MIB1: variants seen among roughly 807,000 people sequenced by gnomAD.
MIB1 encodes MIB E3 ubiquitin protein ligase 1.
A neutral mutation model predicts 124.5 loss-of-function variants in MIB1; 278 were observed. The ratio of observed to expected loss-of-function variants is 2.23; its 90% CI spans 2.02 to 2.47. MIB1 has a LOEUF of 2.47. MIB1 is among the 30% of genes most tolerant of loss of function. The pLI, the probability that MIB1 is intolerant of heterozygous loss-of-function variation, is 0.00. For synonymous variants in MIB1, 446 were observed against 429.4 expected, an observed-to-expected ratio of 1.04 and a Z score of -0.48; for missense variants, 957 against 1,254.4, an observed-to-expected ratio of 0.76 and a Z score of 3.58.
At chr18:21,762,195 T>C (rs1395318410) in intron 1 of MIB1, among the ~76,000 whole-genome samples, 2 of 152,206 alleles carry the variant, frequency 1.3e-5, no homozygotes, top group African/African-American at 4.8e-5. Flanking sequence ...TATAAATGGA[T>C]ACAATCTCTA....
intron 5 of MIB1, among the ~76,000 whole-genome samples, chr18:21,779,115 A>G (rs188593784): frequency 6.6e-6 from 1 of 152,248 alleles, no homozygotes; most frequent in East Asian, 1.9e-4. Context: ...TTTCATTCAT[A>G]TTCTCTAGTT....
chr18:21,788,452 C>T (rs995649267), intron 6 of MIB1, among the ~76,000 whole-genome samples: 1 of 152,102 alleles, frequency 6.6e-6, no homozygotes, highest in Non-Finnish European at 1.5e-5. Context: ...CAAACTGGGA[C>T]CAGAAGGGAA....
intron 4 of MIB1, among the ~76,000 whole-genome samples, chr18:21,777,651 T>A (rs1224333279): frequency 6.6e-6 from 1 of 151,542 alleles, no homozygotes; most frequent in Non-Finnish European, 1.5e-5. Flanking sequence ...GCCTCCCGGG[T>A]TCAAGCGATT....
chr18:21,815,757 G>A lies in MIB1; in HGVS notation c.1621G>A (p.Gly541Ser). 6.2e-7 allele frequency: 1 copy of A among 1,614,082 alleles called. No homozygotes were observed. Among genetic ancestry groups the A allele is most frequent in the Non-Finnish European group, 8.5e-7 (1 of 1,179,986 alleles). ...QTPLHIAVNKGHLQVVKTLLD... is the reference protein window; with the variant it reads ...QTPLHIAVNKSHLQVVKTLLD... ...ACCACTTCATATTGCTGTCAATAAA[G>A]GTCATCTTCAAGTTGTGAAGACTTT... The change falls in exon 11 of 21, where the codon GGT (glycine) becomes AGT (serine). Residue 541 changes from glycine to serine, a missense_variant. By Grantham distance (56) the Gly-to-Ser change is moderately conservative. Coordinates refer to ENST00000261537, the MANE Select transcript of MIB1 (RefSeq NM_020774.4).
intron 12 of MIB1, 106 bp downstream of exon 12, chr18:21,819,752 T>G: frequency 1.4e-6 from 1 of 732,724 alleles, no homozygotes; most frequent in Non-Finnish European, 2.0e-6. Context: ...TTTTAGTATT[T>G]TAAATCATTT....
At chr18:21,772,644 G>T (rs183705865) in intron 3 of MIB1, among the ~76,000 whole-genome samples, 200 of 152,236 alleles carry the variant, frequency 1.3e-3, no homozygotes, top group African/African-American at 4.7e-3. Context: ...ACCTGTATGT[G>T]ATTCTAGGCC....
At chr18:21,834,053 C>T (rs996848459) in intron 12 of MIB1, among the ~76,000 whole-genome samples, 3 of 152,152 alleles carry the variant, frequency 2.0e-5, no homozygotes, top group African/African-American at 7.2e-5. Context: ...CTACGGACCT[C>T]AGTGCTTGCA....
Position 21,799,912 on chromosome 18 carries a change from A to T in MIB1, c.1309A>T (p.Lys437Ter). 1 of 1,612,434 alleles carries T rather than the reference A, an allele frequency of 6.2e-7. No individual in the cohort carries two copies. The highest frequency in any genetic ancestry group is 8.5e-7 in the Non-Finnish European group (1 of 1,178,860). Reference protein sequence around the residue: ...ESGDLNEELVKAAANGDVAKV... With the variant: ...ESGDLNEELV ...TGGTGACCTCAATGAAGAATTAGTT[A>T]AGGCTGCTGCCAATGGAGATGTTGC... The change falls in exon 9 of 21, where the codon AAG becomes TAG. Residue 437 changes from lysine (K) to a stop codon, truncating the protein, a stop_gained. Coordinates refer to ENST00000261537, the MANE Select transcript of MIB1 (RefSeq NM_020774.4). LOFTEE classifies it high-confidence loss of function.
chr18:21,758,356 C>G (rs1271807752), intron 1 of MIB1, among the ~76,000 whole-genome samples: 2 of 152,106 alleles, frequency 1.3e-5, no homozygotes, highest in African/African-American at 2.4e-5. Flanking sequence ...TTTGATGGTT[C>G]AGGGAAAATA....
intron 20 of MIB1, among the ~76,000 whole-genome samples, chr18:21,862,250 CTT>C (rs1305484610): frequency 6.6e-6 from 1 of 152,122 alleles, no homozygotes; most frequent in South Asian, 2.1e-4. Flanking sequence ...CTTCTCAAAA[CTT>C]TAAGACAAAA....
chr18:21,813,396 T>C (rs1325051581), intron 10 of MIB1, among the ~76,000 whole-genome samples: 1 of 152,172 alleles, frequency 6.6e-6, no homozygotes, highest in Non-Finnish European at 1.5e-5. Flanking sequence ...TTGAATATAA[T>C]GCTACTCAGA....
At chr18:21,725,297 G>A (rs1002105110) in intron 1 of MIB1, among the ~76,000 whole-genome samples, 7 of 152,086 alleles carry the variant, frequency 4.6e-5, no homozygotes, top group Admixed American at 3.9e-4. Flanking sequence ...ATGAAAAAAT[G>A]TAAAATGTGG....
chr18:21,752,227 G>A (rs569526352), intron 1 of MIB1, among the ~76,000 whole-genome samples: 2 of 151,940 alleles, frequency 1.3e-5, no homozygotes, highest in South Asian at 4.2e-4. Flanking sequence ...CTCTGCTCTT[G>A]AGGACAAGCT....
intron 1 of MIB1, among the ~76,000 whole-genome samples, chr18:21,723,079 T>A (rs1266517671): frequency 2.6e-5 from 4 of 152,226 alleles, no homozygotes. Flanking sequence ...CCCATTTATT[T>A]ATCTATCCAA....
intron 4 of MIB1, among the ~76,000 whole-genome samples, chr18:21,774,614 T>C (rs2041259551): frequency 6.6e-6 from 1 of 152,178 alleles, no homozygotes; most frequent in South Asian, 2.1e-4. Flanking sequence ...TTGATCTTGC[T>C]ATTTAATGTA....
chr18:21,714,111 C>T (rs1238198047), intron 1 of MIB1, among the ~76,000 whole-genome samples: 1 of 126,574 alleles, frequency 7.9e-6, no homozygotes, highest in Non-Finnish European at 1.7e-5. Flanking sequence ...ACAGAGGAGT[C>T]AAGTACCAAA....
chr18:21,748,420 T>TC (rs1238212543), intron 1 of MIB1, among the ~76,000 whole-genome samples: 1 of 113,534 alleles, frequency 8.8e-6, no homozygotes, highest in Non-Finnish European at 1.7e-5. Flanking sequence ...TCTCCCTCTT[T>TC]CCCCCCTTCT....
chr18:21,711,563 A>G (rs1444612026), intron 1 of MIB1, among the ~76,000 whole-genome samples: 1 of 151,186 alleles, frequency 6.6e-6, no homozygotes, highest in Non-Finnish European at 1.5e-5. Flanking sequence ...GATTATAGAC[A>G]TGAGCCACTG....
intron 7 of MIB1, among the ~76,000 whole-genome samples, chr18:21,795,982 A>C (rs111771571): frequency 1.3e-5 from 2 of 152,324 alleles, no homozygotes; most frequent in African/African-American, 4.8e-5. Flanking sequence ...GAGGAGGTGA[A>C]GTAAAAACCC....
Sources: gnomAD v4.1 joint callset for allele counts (sites outside exome capture counted in the v4.1 genomes callset) on GRCh38, gnomAD v4.1.1 for gene constraint, MANE v1.5 for transcripts, NCBI Gene and HGNC (gene_info 2026-07-23, HGNC 2026-07-21) for gene names.